YAP1: variants seen among roughly 807,000 people sequenced by gnomAD.
YAP1 encodes the protein Yes1 associated transcriptional regulator.
In YAP1, 5 loss-of-function variants were observed where a neutral mutation model predicts 56.9. The observed-to-expected ratio is 0.09, with a 90% CI of 0.05 to 0.18. The LOEUF (loss-of-function observed/expected upper bound fraction) is 0.18, where lower values mean the gene tolerates loss of function less well. Among genes scored for constraint, YAP1 ranks in the 10% least tolerant of loss-of-function variants. The probability of loss-of-function intolerance (pLI) is 1.00; values close to 1 mark genes in which losing one functional copy is unlikely to be tolerated. For missense variants in YAP1, 539 were observed against 651.8 expected (o/e 0.83, Z 1.88); for synonymous variants, 265 against 248.1 (o/e 1.07, Z -0.64).
chr11:102,211,273 A>G (rs140528047), intron 6 of YAP1, among the ~76,000 whole-genome samples: 55 of 152,332 alleles, frequency 3.6e-4, no homozygotes, highest in African/African-American at 1.2e-3. Flanking sequence ...ATAGAAAAGT[A>G]AATCTTTACT....
intron 6 of YAP1, among the ~76,000 whole-genome samples, chr11:102,217,692 A>G (rs916340499): frequency 6.6e-6 from 1 of 151,936 alleles, no homozygotes; most frequent in Non-Finnish European, 1.5e-5. Context: ...TTTGAGGATG[A>G]TTATCTTTTT....
At chr11:102,183,584 G>GATA (rs1326027035) in intron 3 of YAP1, among the ~76,000 whole-genome samples, 1 of 152,134 alleles carries the variant, frequency 6.6e-6, no homozygotes, top group Non-Finnish European at 1.5e-5. Context: ...CCATCGGAGA[G>GATA]AATATAAGTG....
At chr11:102,210,108 C>G (rs1012473599) in intron 6 of YAP1, among the ~76,000 whole-genome samples, 1 of 152,156 alleles carries the variant, frequency 6.6e-6, no homozygotes, top group Admixed American at 6.5e-5. Flanking sequence ...TCAGCATTCT[C>G]TGATGAACCC....
At position 102,233,207 on chromosome 11, in the gene YAP1, A is replaced by AAG. The variant is rs1950486164; in HGVS notation, c.*3267_*3268insAG. On this transcript the variant is annotated 3_prime_UTR_variant, in exon 9 of 9. Transcript: ENST00000282441. ...ATTGTTTTCTGTATCTTGAAAAAGT[A>AAG]TTCTCCACATTTTAAATGTTTTATA... The AAG allele has an allele frequency of 2.0e-5, 3 of 152,204 alleles. No homozygotes were observed. Among genetic ancestry groups the AAG allele is most frequent in the Non-Finnish European group, 4.4e-5 (3 of 68,040 alleles). The allele number at this position is 152,204 out of a possible 1,614,324, so 9.4% of individuals were successfully genotyped here.
At chr11:102,113,332 CT>C (rs1314909857) in intron 1 of YAP1, among the ~76,000 whole-genome samples, 1 of 152,150 alleles carries the variant, frequency 6.6e-6, no homozygotes, top group Non-Finnish European at 1.5e-5. Context: ...ATCATGAAAA[CT>C]ATTTTATAAA....
At chr11:102,208,743 T>C (rs1949246571) in intron 5 of YAP1, among the ~76,000 whole-genome samples, 1 of 152,194 alleles carries the variant, frequency 6.6e-6, no homozygotes, top group South Asian at 2.1e-4. Flanking sequence ...AATTTCACTA[T>C]GAATAAAAAC....
rs544348376 is a variant in YAP1 at position 102,131,211 on chromosome 11, A to G, written c.572+16817A>G. On this transcript the variant is annotated intron_variant, in intron 2 of 8. Coordinates refer to ENST00000282441, the MANE Select transcript of YAP1 (RefSeq NM_001130145.3). ...TTCTAAAACTGTAGCCCAAAAGAGTAGCCAATGCTTAGTCTTTAGTAGGCC... is the reference window on the plus strand; with the variant it reads ...TTCTAAAACTGTAGCCCAAAAGAGTGGCCAATGCTTAGTCTTTAGTAGGCC... Among the ~76,000 whole-genome samples, 6 of 152,368 alleles carry G rather than the reference A, an allele frequency of 3.9e-5. No homozygotes were observed. The South Asian group carries it at 1.2e-3, about 32-fold the overall frequency.
At chr11:102,229,653 ATG>A in intron 8 of YAP1, 47 bp from the exon 9 acceptor site, 2 of 1,555,552 alleles carry the variant, frequency 1.3e-6, no homozygotes, top group African/African-American at 2.7e-5. Flanking sequence ...TACAGCCCTG[ATG>A]TTAGCTTTTC....
chr11:102,132,711 A>T (rs1944437317), intron 2 of YAP1, among the ~76,000 whole-genome samples: 1 of 152,200 alleles, frequency 6.6e-6, no homozygotes, highest in Admixed American at 6.5e-5. Context: ...CTTCATGTTC[A>T]TTTGTTTACC....
chr11:102,135,419 C>G (rs747395732), intron 2 of YAP1, among the ~76,000 whole-genome samples: 16 of 152,210 alleles, frequency 1.1e-4, no homozygotes, highest in Admixed American at 4.6e-4. Context: ...AGCTGGCAGA[C>G]TGGATCCAAA....
intron 3 of YAP1, among the ~76,000 whole-genome samples, chr11:102,175,409 C>CT (rs1565230850): frequency 6.6e-6 from 1 of 152,050 alleles, no homozygotes; most frequent in Non-Finnish European, 1.5e-5. Context: ...CAAAAAAAAA[C>CT]TTATTTCTTT....
Position 102,174,623 on chromosome 11 carries a change from GTC to G in YAP1, c.689-11391_689-11390del, listed in dbSNP as rs146924931. 1.9e-3 allele frequency among the ~76,000 whole-genome samples: 294 copies of G among 152,034 alleles called. 2 individuals are homozygous for G. The highest frequency in any genetic ancestry group is 6.8e-3 in the African/African-American group (284 of 41,520). On this transcript the variant is annotated intron_variant, in intron 3 of 8. Coordinates refer to ENST00000282441, the MANE Select transcript of YAP1 (RefSeq NM_001130145.3). ...TATTATTTGTAAAGGCACAAAACAA[GTC>G]TCTGAGAGATTGCAACTTCACAAAG...
At position 102,110,785 on chromosome 11, in the gene YAP1, G is replaced by A; in HGVS notation, c.-64G>A. 1 of 1,266,756 alleles carries A rather than the reference G, an allele frequency of 7.9e-7. No individual in the cohort carries two copies. Among genetic ancestry groups the A allele is most frequent in the Non-Finnish European group, 9.9e-7 (1 of 1,007,638 alleles). 78.5% of individuals were successfully genotyped at this position (1,266,756 alleles called of 1,614,324 possible). A position where few individuals can be genotyped will look rare whatever the true frequency, so the allele number is the denominator to read the frequency against. On this transcript the variant is annotated 5_prime_UTR_variant, in exon 1 of 9. Coordinates refer to ENST00000282441, the MANE Select transcript of YAP1 (RefSeq NM_001130145.3). The stretch of plus-strand genomic sequence containing the variant: ...TTCTCCACCTCGGCCCGTGGAGCCG[G>A]GGCGTCCGGGCGTAGCCCTCGCTCG...
chr11:102,157,831 A>G (rs574427509), intron 2 of YAP1, among the ~76,000 whole-genome samples: 23 of 152,310 alleles, frequency 1.5e-4, no homozygotes, highest in African/African-American at 5.3e-4. Context: ...ACTATCATCA[A>G]AAGTGCATGT....
chr11:102,129,287 A>G (rs942754468), intron 2 of YAP1, among the ~76,000 whole-genome samples: 2 of 151,996 alleles, frequency 1.3e-5, no homozygotes, highest in African/African-American at 4.8e-5. Flanking sequence ...ATTTTTAGAG[A>G]ATGAGTTAGA....
chr11:102,116,387 A>G (rs1943290973), intron 2 of YAP1, among the ~76,000 whole-genome samples: 1 of 152,188 alleles, frequency 6.6e-6, no homozygotes, highest in African/African-American at 2.4e-5. Context: ...TAGTACATGT[A>G]GGAGGTCCTG....
Position 102,229,884 on chromosome 11 carries a change from G to A in YAP1, c.1459G>A (p.Glu487Lys). ...GAGTTCTGACATCCTTAATGACATG[G>A]AGTCTGTTTTGGCTGCCACCAAGCT... is the stretch of plus-strand genomic sequence containing the variant. ...ALSSDILNDM[E>K]SVLAATKLDK... Residue 487 changes from glutamate (E) to lysine (K), a missense_variant, in exon 9 of 9, where the codon GAG becomes AAG. Coordinates refer to ENST00000282441, the MANE Select transcript of YAP1 (RefSeq NM_001130145.3). 6.2e-7 allele frequency: 1 copy of A among 1,614,120 alleles called. No homozygotes were observed. Among genetic ancestry groups the A allele is most frequent in the Non-Finnish European group, 8.5e-7 (1 of 1,179,976 alleles).
chr11:102,156,757 G>C (rs954208681), intron 2 of YAP1, among the ~76,000 whole-genome samples: 1 of 152,160 alleles, frequency 6.6e-6, no homozygotes, highest in Non-Finnish European at 1.5e-5. Context: ...ACGCCATTTG[G>C]GATCAAGATT....
At chr11:102,186,771 A>G (rs946086905) in intron 4 of YAP1, 3 of 151,178 alleles carry the variant, frequency 2.0e-5, no homozygotes, top group African/African-American at 7.4e-5. Context: ...AAATGTGTAC[A>G]TTTTGATAAG....
Sources: allele counts gnomAD v4.1 joint callset (sites outside exome capture counted in the v4.1 genomes callset), GRCh38; gene constraint gnomAD v4.1.1; transcripts MANE v1.5; gene names NCBI Gene and HGNC (gene_info 2026-07-23, HGNC 2026-07-21).